The following CHODL variants were observed in gnomAD, a reference collection of about 807,000 sequenced individuals.
The protein encoded by CHODL is chondrolectin.
Under a neutral mutation model 34.5 loss-of-function variants are expected in CHODL, and 29 were observed. The observed-to-expected ratio is 0.84, with a 90% confidence interval of 0.63 to 1.15. The LOEUF (loss-of-function observed/expected upper bound fraction) is 1.15. Ranked by LOEUF, CHODL falls within the 50% of genes most tolerant of loss-of-function variation. The pLI, the probability that CHODL is intolerant of heterozygous loss-of-function variation, is 0.00. For synonymous variants in CHODL, 125 were observed against 116.1 expected (o/e 1.08, Z -0.49); for missense variants, 332 against 332.5 (o/e 1.00, Z 0.01).
Position 18,262,780 on chromosome 21 carries a change from T to G in CHODL, c.635-11T>G, listed in dbSNP as rs745758656. ...ACTATCTTTTCACATGAAGACTGTT[T>G]TATTTTGTAGGTATAATTCCCAATC... On this transcript the variant is annotated splice_polypyrimidine_tract_variant and intron_variant, in intron 4 of 5. Coordinates refer to ENST00000299295, the MANE Select transcript of CHODL (RefSeq NM_024944.3). 1 of 1,418,002 alleles carries G rather than the reference T, an allele frequency of 7.1e-7. No homozygotes were observed. The highest frequency in any genetic ancestry group is 9.9e-7 in the Non-Finnish European group (1 of 1,005,230). 87.8% of individuals were successfully genotyped at this position (1,418,002 alleles called of 1,614,324 possible).
chr21:17,952,878 G>A (rs897681351), intron 1 of CHODL, among the ~76,000 whole-genome samples: 5 of 152,282 alleles, frequency 3.3e-5, no homozygotes, highest in South Asian at 2.1e-4. Flanking sequence ...GGCGGAAGGC[G>A]AAAGGGAAGC....
chr21:17,994,759 C>A (rs1280850053), intron 1 of CHODL, among the ~76,000 whole-genome samples: 2 of 152,078 alleles, frequency 1.3e-5, no homozygotes, highest in African/African-American at 4.8e-5. Context: ...TGGCAGAAGG[C>A]AGGGTTCAAC....
chr21:18,146,134 A>ATTT (rs574946951), intron 2 of CHODL, among the ~76,000 whole-genome samples: 177 of 139,560 alleles, frequency 1.3e-3, no homozygotes, highest in African/African-American at 2.9e-3. Flanking sequence ...CGCCCGGTTA[A>ATTT]TTTTTTTTTT....
At chr21:17,943,879 C>A (rs9981199) in intron 1 of CHODL, among the ~76,000 whole-genome samples, 10,087 of 152,162 alleles carry the variant, frequency 0.066, 905 homozygotes, top group African/African-American at 0.2. Flanking sequence ...CCATGGGGAA[C>A]ACTAAGATAA....
chr21:18,029,714 G>T (rs754703982), intron 2 of CHODL, among the ~76,000 whole-genome samples: 15 of 152,194 alleles, frequency 9.9e-5, no homozygotes, highest in Non-Finnish European at 1.9e-4. Flanking sequence ...AGGCATTCCT[G>T]TCTCAATGCC....
At chr21:18,105,322 A>G (rs2065260473) in intron 2 of CHODL, among the ~76,000 whole-genome samples, 1 of 152,180 alleles carries the variant, frequency 6.6e-6, no homozygotes, top group African/African-American at 2.4e-5. Context: ...AAGCTGTGGT[A>G]TTCATACTAG....
chr21:18,102,915 T>G (rs1301041411), intron 2 of CHODL, among the ~76,000 whole-genome samples: 2 of 152,202 alleles, frequency 1.3e-5, no homozygotes, highest in Non-Finnish European at 2.9e-5. Context: ...AAATTTCTGC[T>G]TTATCATCCT....
rs2063335025 is a variant in CHODL at position 17,938,486 on chromosome 21, TTTTTTTTA to T, written c.-145+21087_-145+21094del. Among the ~76,000 whole-genome samples the T allele has an allele frequency of 2.6e-4, 9 of 34,180 alleles. 1 individual carries two copies. The highest frequency in any genetic ancestry group is 1.6e-3 in the African/African-American group (8 of 4,872). 22.4% of individuals were successfully genotyped at this position (34,180 alleles called of 152,430 possible). A position where few individuals can be genotyped will look rare whatever the true frequency, so the allele number is the denominator to read the frequency against. ...TCTTTTTTTTTTTTTTTTTTTTTTT[TTTTTTTTA>T]AGGAAAGGGAGTCTCGCTCCATCGC... On this transcript the variant is annotated intron_variant, in intron 1 of 6. Transcript: ENST00000400127.
At chr21:18,109,815 C>T (rs1426375638) in intron 2 of CHODL, among the ~76,000 whole-genome samples, 1 of 151,844 alleles carries the variant, frequency 6.6e-6, no homozygotes, top group Non-Finnish European at 1.5e-5. Flanking sequence ...CCTAAGTAAC[C>T]CAAGACAGAG....
chr21:18,018,450 C>T (rs1471128414), intron 1 of CHODL, among the ~76,000 whole-genome samples: 1 of 152,110 alleles, frequency 6.6e-6, no homozygotes, highest in Non-Finnish European at 1.5e-5. Flanking sequence ...TGAGTGAGTT[C>T]TCACAAAATC....
At chr21:18,095,535 G>A (rs528865623) in intron 2 of CHODL, among the ~76,000 whole-genome samples, 1 of 152,100 alleles carries the variant, frequency 6.6e-6, no homozygotes, top group East Asian at 1.9e-4. Context: ...AGTAAAGTAA[G>A]CCTAGGACCC....
At chr21:17,973,758 A>G (rs2063638204) in intron 1 of CHODL, among the ~76,000 whole-genome samples, 1 of 151,516 alleles carries the variant, frequency 6.6e-6, no homozygotes, top group Admixed American at 6.6e-5. Context: ...TAAGAAATCC[A>G]CAGACTTCTT....
At chr21:18,260,847 C>A (rs111897955) in intron 4 of CHODL, among the ~76,000 whole-genome samples, 7,613 of 109,544 alleles carry the variant, frequency 0.069, 250 homozygotes, top group Non-Finnish European at 0.09. Context: ...ACAACAACAA[C>A]AAAAAAACAC....
chr21:18,082,091 C>T (rs904692643), intron 2 of CHODL, among the ~76,000 whole-genome samples: 7 of 152,152 alleles, frequency 4.6e-5, no homozygotes, highest in African/African-American at 1.2e-4. Context: ...GGGAAGGGCC[C>T]TGGTGGGAGA....
chr21:18,093,395 G>T (rs1359320502), intron 2 of CHODL, among the ~76,000 whole-genome samples: 1 of 152,064 alleles, frequency 6.6e-6, no homozygotes, highest in Non-Finnish European at 1.5e-5. Flanking sequence ...ATCATTTAAA[G>T]ATACAAAAGT....
intron 2 of CHODL, among the ~76,000 whole-genome samples, chr21:18,091,538 A>T (rs751650719): frequency 3.3e-5 from 5 of 152,168 alleles, no homozygotes; most frequent in Non-Finnish European, 7.4e-5. Flanking sequence ...CCACAGTAGG[A>T]TAGGGCACTG....
At position 17,947,857 on chromosome 21, in the gene CHODL, A is replaced by G. The variant is rs115079695; in HGVS notation, c.-145+30457A>G. On this transcript the variant is annotated intron_variant, in intron 1 of 6. Coordinates refer to the CHODL transcript ENST00000400127. ...ATAAAAACCGTGCCTCCACTCATAT[A>G]TTTTTGCAGCACTATTTATAATAGC... Among the ~76,000 whole-genome samples the G allele has an allele frequency of 1.6e-3, 241 of 152,214 alleles. 2 individuals are homozygous for G. Among genetic ancestry groups the G allele is most frequent in the African/African-American group, 5.5e-3 (227 of 41,556 alleles).
At chr21:18,209,485 G>A (rs1343774170) in intron 2 of CHODL, among the ~76,000 whole-genome samples, 1 of 152,066 alleles carries the variant, frequency 6.6e-6, no homozygotes, top group African/African-American at 2.4e-5. Flanking sequence ...GCCTAGAACT[G>A]GCAACCTCAA....
intron 1 of CHODL, among the ~76,000 whole-genome samples, chr21:17,980,091 CTTTT>C (rs59630058): frequency 3.0e-5 from 4 of 134,958 alleles, no homozygotes; most frequent in Admixed American, 7.5e-5. Context: ...TAAATTCATC[CTTTT>C]TTTTTTTTTT....
Sources: gnomAD v4.1 joint callset for allele counts (sites outside exome capture counted in the v4.1 genomes callset) on GRCh38, gnomAD v4.1.1 for gene constraint, MANE v1.5 for transcripts, NCBI Gene and HGNC (gene_info 2026-07-23, HGNC 2026-07-21) for gene names.